The following ALPK2 variants were observed in gnomAD, a reference collection of about 807,000 sequenced individuals.
The protein encoded by ALPK2 is alpha kinase 2.
Under a neutral mutation model 163.1 loss-of-function variants are expected in ALPK2, and 127 were observed. The observed-to-expected ratio is 0.78, with a 90% CI of 0.67 to 0.90. The LOEUF (loss-of-function observed/expected upper bound fraction) is 0.90, where lower values mean the gene tolerates loss of function less well. Among genes scored for constraint, ALPK2 ranks in the 40% least tolerant of loss-of-function variants. The pLI is 0.00. For missense variants in ALPK2, 2,360 were observed against 2,589.6 expected (o/e 0.91, Z 1.92); for synonymous variants, 953 against 959.1 (o/e 0.99, Z 0.12).
At chr18:58,616,535 TG>T (rs2052169507) in intron 1 of ALPK2, among the ~76,000 whole-genome samples, 2 of 152,260 alleles carry the variant, frequency 1.3e-5, no homozygotes, top group East Asian at 3.9e-4. Context: ...ATCGTGCCTA[TG>T]TAGCGAAGCC....
chr18:58,576,260 G>A (rs1418504435), intron 4 of ALPK2, among the ~76,000 whole-genome samples: 1 of 152,126 alleles, frequency 6.6e-6, no homozygotes, highest in Admixed American at 6.5e-5. Flanking sequence ...TGTAATCTCA[G>A]CTACTCAGGA....
chr18:58,536,263 A>C lies in ALPK2; in HGVS notation c.3924T>G (p.Ala1308=). 6.2e-7 allele frequency: 1 copy of C among 1,614,194 alleles called. No individual in the cohort carries two copies. The highest frequency in any genetic ancestry group is 8.5e-7 in the Non-Finnish European group (1 of 1,180,016). Residue 1308 remains alanine (A), a synonymous_variant, in exon 5 of 13, where the codon GCT becomes GCG. Coordinates refer to ENST00000361673, the MANE Select transcript of ALPK2 (RefSeq NM_052947.4). ...CGCCTTTATGGCTTTCTCTGCTATC[A>C]GCAAGGGCTGACTCAGCATCCTCTG... ...HSPEDAESAL[A]DSRESHKGEE...
intron 1 of ALPK2, among the ~76,000 whole-genome samples, chr18:58,618,600 G>C (rs1253605160): frequency 1.3e-5 from 2 of 152,216 alleles, no homozygotes; most frequent in Non-Finnish European, 2.9e-5. Flanking sequence ...AGTATATAAA[G>C]TAAGCACTAT....
rs1332039351 is a variant in ALPK2 at position 58,535,344 on chromosome 18, C to G, written c.4843G>C (p.Glu1615Gln). 1.2e-6 allele frequency: 2 copies of G among 1,614,156 alleles called. No homozygotes were observed. The highest frequency in any genetic ancestry group is 1.7e-6 in the Non-Finnish European group (2 of 1,180,030). Residue 1615 changes from glutamate (E) to glutamine (Q), a missense_variant, in exon 5 of 13, where the codon GAA (glutamate) becomes CAA (glutamine). Coordinates refer to ENST00000361673, the MANE Select transcript of ALPK2 (RefSeq NM_052947.4). Reference sequence around the variant, plus strand: ...ATCAAAAAGTCTGTGACATTTCCTTCAGGAGATGAAGTACAAGGGAACCTG... The same window carrying G: ...ATCAAAAAGTCTGTGACATTTCCTTGAGGAGATGAAGTACAAGGGAACCTG... The part of the protein sequence containing the change: ...LTRFPCTSSP[E>Q]GNVTDFLISH...
intron 6 of ALPK2, 122 bp downstream of exon 6, chr18:58,528,969 T>C (rs770333534): frequency 2.5e-6 from 3 of 1,185,836 alleles, no homozygotes; most frequent in Non-Finnish European, 2.5e-6. Context: ...ATTGTGGATG[T>C]GGAATCTCTG....
intron 4 of ALPK2, chr18:58,566,474 A>G (rs974345164): frequency 6.6e-6 from 1 of 152,150 alleles, no homozygotes; most frequent in African/African-American, 2.4e-5. Flanking sequence ...ATGCAAATTC[A>G]TCTTCTATCA....
At chr18:58,604,390 G>A (rs548571542) in intron 3 of ALPK2, among the ~76,000 whole-genome samples, 6 of 152,292 alleles carry the variant, frequency 3.9e-5, no homozygotes, top group African/African-American at 1.4e-4. Context: ...ATTGGTATAA[G>A]TCAAATCCCT....
intron 10 of ALPK2, among the ~76,000 whole-genome samples, chr18:58,505,343 C>T (rs542009753): frequency 1.8e-4 from 28 of 152,102 alleles, no homozygotes; most frequent in Non-Finnish European, 3.5e-4. Context: ...GCACCCTCAG[C>T]TTCCTGTTTC....
rs1252143058 is a variant in ALPK2, at chr18:58,579,809, A to AAAACTCCTC, written c.958_966dup (p.Glu320_Phe322dup). The AAAACTCCTC allele has an allele frequency of 9.9e-6, 16 of 1,614,114 alleles. No individual in the cohort carries two copies. In the African/African-American group the frequency reaches 1.6e-4, roughly 16 times the overall value. The stretch of plus-strand genomic sequence containing the variant: ...TCCAGATACTCCAGGTCATCATCTG[A>AAAACTCCTC]AAACTCCTCGGTGTAGGTTAGGGTT... On this transcript the variant is annotated inframe_insertion, in exon 4 of 13. Coordinates refer to ENST00000361673, the MANE Select transcript of ALPK2 (RefSeq NM_052947.4).
rs140080218 is a variant in ALPK2, at chr18:58,543,367, A to G, written c.1963-5143T>C. 27 of 985,462 alleles carry G rather than the reference A, an allele frequency of 2.7e-5. 1 individual carries two copies. The East Asian group carries it at 1.9e-3, about 70-fold the overall frequency. 61.0% of individuals were successfully genotyped at this position (985,462 alleles called of 1,614,324 possible). A position where few individuals can be genotyped will look rare whatever the true frequency, so the allele number is the denominator to read the frequency against. On this transcript the variant is annotated intron_variant, in intron 4 of 12. Coordinates refer to ENST00000361673, the MANE Select transcript of ALPK2 (RefSeq NM_052947.4). ...AGAGGGAACAAGTGCTCTGTGCACC[A>G]GACCTCAGGCGGCTATGTGTAGACC...
chr18:58,622,347 A>C (rs79189256), intron 1 of ALPK2, among the ~76,000 whole-genome samples: 1 of 152,170 alleles, frequency 6.6e-6, no homozygotes, highest in Non-Finnish European at 1.5e-5. Context: ...ACTCTGTCTC[A>C]AAAAAATAAT....
intron 4 of ALPK2, among the ~76,000 whole-genome samples, chr18:58,552,088 C>T (rs1041810624): frequency 2.0e-5 from 3 of 152,104 alleles, no homozygotes; most frequent in African/African-American, 7.2e-5. Flanking sequence ...TAAATCATCA[C>T]TTTAAAAAAA....
In ALPK2 at chr18:58,482,091, T is replaced by C. The variant is rs750993902; in HGVS notation, c.6297-52A>G. The C allele has an allele frequency of 2.8e-6, 4 of 1,419,210 alleles. No individual in the cohort carries two copies. In the African/African-American group the frequency reaches 5.7e-5, roughly 20 times the overall value. 87.9% of individuals were successfully genotyped at this position (1,419,210 alleles called of 1,614,324 possible). ...AGCTTTTAAAAACAGGACACTTTCA[T>C]CAGTTTAAAAAGAAAAACTTGAAAG... On this transcript the variant is annotated intron_variant, in intron 12 of 12. Transcript: ENST00000361673.
intron 4 of ALPK2, among the ~76,000 whole-genome samples, chr18:58,569,636 C>A (rs923163975): frequency 1.3e-5 from 2 of 152,172 alleles, no homozygotes; most frequent in African/African-American, 2.4e-5. Flanking sequence ...GATTATTTAA[C>A]CCTGACTGAG....
intron 8 of ALPK2, among the ~76,000 whole-genome samples, chr18:58,518,072 T>C (rs930493552): frequency 6.6e-6 from 1 of 152,188 alleles, no homozygotes; most frequent in African/African-American, 2.4e-5. Flanking sequence ...TGGCTTTCAA[T>C]GAAATAAGAT....
chr18:58,627,624 TAAAAACA>T (rs1308474668), intron 1 of ALPK2, among the ~76,000 whole-genome samples: 2 of 152,060 alleles, frequency 1.3e-5, no homozygotes, highest in African/African-American at 4.8e-5. Flanking sequence ...AAACTCTATC[TAAAAACA>T]AAAAACAAAC....
chr18:58,571,085 G>A (rs138090112), intron 4 of ALPK2, among the ~76,000 whole-genome samples: 44 of 151,926 alleles, frequency 2.9e-4, no homozygotes, highest in African/African-American at 8.2e-4. Context: ...GGAGTGGTGC[G>A]ATATCAGCTC....
chr18:58,560,752 A>AG (rs1207979815), intron 4 of ALPK2, among the ~76,000 whole-genome samples: 1 of 152,192 alleles, frequency 6.6e-6, no homozygotes, highest in East Asian at 1.9e-4. Flanking sequence ...AGTCTACTTC[A>AG]GGGGGGCAGG....
intron 4 of ALPK2, among the ~76,000 whole-genome samples, chr18:58,551,259 G>A (rs74761793): frequency 0.072 from 10,888 of 152,256 alleles, 472 homozygotes; most frequent in East Asian, 0.16. Context: ...GGCCAGAAGT[G>A]TGCATTCAAG....
Sources: allele counts gnomAD v4.1 joint callset (sites outside exome capture counted in the v4.1 genomes callset), GRCh38; gene constraint gnomAD v4.1.1; transcripts MANE v1.5; gene names NCBI Gene and HGNC (gene_info 2026-07-23, HGNC 2026-07-21).